The following PPM1A variants were observed in gnomAD, a reference collection of about 807,000 sequenced individuals.
PPM1A encodes protein phosphatase, Mg2+/Mn2+ dependent 1A.
In PPM1A, 7 loss-of-function variants were observed where a neutral mutation model predicts 35.0. The ratio of observed to expected loss-of-function variants is 0.20; its 90% confidence interval spans 0.11 to 0.38. The LOEUF is 0.38. Among genes scored for constraint, PPM1A ranks in the 10% least tolerant of loss-of-function variants. The pLI, the probability that PPM1A is intolerant of heterozygous loss-of-function variation, is 1.00. For missense variants in PPM1A, 239 were observed against 467.8 expected (o/e 0.51, Z 4.51); for synonymous variants, 153 against 167.3 (o/e 0.91, Z 0.66).
chr14:60,283,447 A>C lies in PPM1A; in HGVS notation c.744A>C (p.Glu248Asp). ...CDGIWDVMGN[E>D]ELCDFVRSRL... Reference sequence around the variant, plus strand: ...GTATCTGGGATGTTATGGGAAATGAAGAGCTCTGTGATTTTGTAAGATCCA... The same window carrying C: ...GTATCTGGGATGTTATGGGAAATGACGAGCTCTGTGATTTTGTAAGATCCA... The change falls in exon 2 of 6, where the codon GAA (glutamate) becomes GAC (aspartate). Residue 248 changes from glutamate to aspartate, a missense_variant. Transcript: ENST00000395076. This position sits in a 1 kb window ranked among gnomAD's most constrained non-coding sequence, Gnocchi z 6.3. The C allele has an allele frequency of 6.2e-7, 1 of 1,614,158 alleles. No individual in the cohort carries two copies. The highest frequency in any genetic ancestry group is 1.1e-5 in the South Asian group (1 of 91,086).
At position 60,249,655 on chromosome 14, in the gene PPM1A, C is replaced by G; in HGVS notation, c.-43C>G. 3.0e-6 allele frequency: 3 copies of G among 984,968 alleles called. No individual in the cohort carries two copies. In the African/African-American group the frequency reaches 5.3e-5, roughly 17 times the overall value. The allele number at this position is 984,968 out of a possible 1,614,324, so 61.0% of individuals were successfully genotyped here. On this transcript the variant is annotated 5_prime_UTR_variant, in exon 1 of 6. Coordinates refer to ENST00000395076, the MANE Select transcript of PPM1A (RefSeq NM_021003.5). The surrounding 1 kb of genome is among the most constrained non-coding windows in gnomAD (Gnocchi z 4.5). The stretch of plus-strand genomic sequence containing the variant: ...GCCGCCGCCTCGGCCGACCAGGGAC[C>G]TGCCCGCCTGCGGCTGCTCCGGGTA...
Position 60,249,942 on chromosome 14 carries a change from C to A in PPM1A, c.-21+265C>A, listed in dbSNP as rs1014329071. Among the ~76,000 whole-genome samples, 6 of 151,540 alleles carry A rather than the reference C, an allele frequency of 4.0e-5. No homozygotes were observed. Among genetic ancestry groups the A allele is most frequent in the African/African-American group, 1.5e-4 (6 of 41,314 alleles). On this transcript the variant is annotated intron_variant, in intron 1 of 5. Transcript: ENST00000395076. The surrounding 1 kb of genome is among the most constrained non-coding windows in gnomAD (Gnocchi z 4.5). ...TGGCGCGGGGAGGGGGCGCGACCCT[C>A]TGGCCGTCCGCGGCCGAGATGGGTG...
rs1245990161 is a variant in PPM1A, at chr14:60,294,913, A to C, written c.*2431A>C. On this transcript the variant is annotated 3_prime_UTR_variant, in exon 6 of 6. Transcript: ENST00000395076. Reference sequence around the variant, plus strand: ...ACAGGAAGGAAGTATACATTATAACAGCAGACTGTGTGTGTTCCTGATTCC... The same window carrying C: ...ACAGGAAGGAAGTATACATTATAACCGCAGACTGTGTGTGTTCCTGATTCC... 1 of 151,846 alleles carries C rather than the reference A, an allele frequency of 6.6e-6. No individual in the cohort carries two copies. Among genetic ancestry groups the C allele is most frequent in the Non-Finnish European group, 1.5e-5 (1 of 67,790 alleles). 9.4% of individuals were successfully genotyped at this position (151,846 alleles called of 1,614,324 possible).
chr14:60,292,668 T>G lies in PPM1A; in HGVS notation c.*186T>G. 2.5e-6 allele frequency: 1 copy of G among 408,160 alleles called. No individual in the cohort carries two copies. 25.3% of individuals were successfully genotyped at this position (408,160 alleles called of 1,614,324 possible). On this transcript the variant is annotated 3_prime_UTR_variant, in exon 6 of 6. Transcript: ENST00000395076. The surrounding 1 kb of genome is among the most constrained non-coding windows in gnomAD (Gnocchi z 4.2). ...GAACTGATTTTTTTTTTTTTTTTTGTAAATTTGAGACTTATGTAAGCGTGA... is the reference window on the plus strand; with the variant it reads ...GAACTGATTTTTTTTTTTTTTTTTGGAAATTTGAGACTTATGTAAGCGTGA...
At position 60,259,162 on chromosome 14, in the gene PPM1A, C is replaced by T. The variant is rs546598191; in HGVS notation, c.-21+9485C>T. Among the ~76,000 whole-genome samples, 30 of 152,204 alleles carry T rather than the reference C, an allele frequency of 2.0e-4. No homozygotes were observed. The South Asian group carries it at 6.0e-3, about 30-fold the overall frequency. On this transcript the variant is annotated intron_variant, in intron 1 of 5. Transcript: ENST00000395076. ...CACAAAAAAATTGCATGTCACAATT[C>T]ATGAACTCAGTGAGTGACTCTATTT...
chr14:60,267,582 G>T (rs1884544326), intron 1 of PPM1A, among the ~76,000 whole-genome samples: 2 of 151,980 alleles, frequency 1.3e-5, no homozygotes, highest in Admixed American at 1.3e-4. Context: ...AAAAGAATTG[G>T]AAATTTTTTT....
intron 1 of PPM1A, among the ~76,000 whole-genome samples, chr14:60,280,065 G>A (rs1356601047): frequency 6.6e-6 from 1 of 152,048 alleles, no homozygotes; most frequent in Admixed American, 6.5e-5. Context: ...GCAGTGATGT[G>A]ATCTCAGCTT....
intron 3 of PPM1A, chr14:60,286,211 A>G: frequency 1.6e-5 from 16 of 986,034 alleles, no homozygotes; most frequent in Non-Finnish European, 1.9e-5. Context: ...AACTTTATAT[A>G]CACAGCTTTA....
intron 1 of PPM1A, among the ~76,000 whole-genome samples, chr14:60,254,068 A>G (rs1402267922): frequency 6.6e-6 from 1 of 152,228 alleles, no homozygotes; most frequent in African/African-American, 2.4e-5. Context: ...CCATGAAGAA[A>G]GTGCCAAATA....
Position 60,289,789 on chromosome 14 carries a change from G to A in PPM1A, c.953-17G>A, listed in dbSNP as rs534936724. The A allele has an allele frequency of 1.3e-6, 2 of 1,549,090 alleles. No homozygotes were observed. The highest frequency in any genetic ancestry group is 1.4e-5 in the African/African-American group (1 of 72,910). On this transcript the variant is annotated splice_polypyrimidine_tract_variant and intron_variant, in intron 3 of 5. Coordinates refer to ENST00000395076, the MANE Select transcript of PPM1A (RefSeq NM_021003.5). This position sits in a 1 kb window ranked among gnomAD's most constrained non-coding sequence, Gnocchi z 4.1. ...AATTTGGATAACACTTACAAAAAAA[G>A]TACTTCTGATTCCCAGAAATCATAA...
chr14:60,292,369 CT>C lies in PPM1A; in HGVS notation c.1120-81del, dbSNP rs1268368043. The stretch of plus-strand genomic sequence containing the variant: ...AAAAGTCATCTTTACAGAACATTAT[CT>C]TTCTCCATTATCCAGAAAGTATGGT... On this transcript the variant is annotated intron_variant, in intron 5 of 5. Coordinates refer to ENST00000395076, the MANE Select transcript of PPM1A (RefSeq NM_021003.5). This position sits in a 1 kb window ranked among gnomAD's most constrained non-coding sequence, Gnocchi z 4.2. The C allele has an allele frequency of 9.8e-7, 1 of 1,021,156 alleles. No homozygotes were observed. Among genetic ancestry groups the C allele is most frequent in the Admixed American group, 1.9e-5 (1 of 53,742 alleles). 63.3% of individuals were successfully genotyped at this position (1,021,156 alleles called of 1,614,324 possible).
chr14:60,269,430 T>C (rs868454048), intron 1 of PPM1A, among the ~76,000 whole-genome samples: 1 of 152,242 alleles, frequency 6.6e-6, no homozygotes, highest in South Asian at 2.1e-4. Context: ...GTAGTATTCT[T>C]GGAATAAAAC....
chr14:60,263,281 C>G (rs1883981094), intron 1 of PPM1A, among the ~76,000 whole-genome samples: 1 of 152,136 alleles, frequency 6.6e-6, no homozygotes, highest in Admixed American at 6.5e-5. Context: ...TTAGAGCCTA[C>G]TTCTATGGAC....
chr14:60,251,328 A>T (rs967503717), intron 1 of PPM1A, among the ~76,000 whole-genome samples: 4 of 152,250 alleles, frequency 2.6e-5, no homozygotes, highest in African/African-American at 9.6e-5. Context: ...AACTACCTCA[A>T]TTATATTTGA....
At chr14:60,245,923 A>G (rs372318159), upstream of PPM1A, 3 of 1,584,402 alleles carry the variant, frequency 1.9e-6, no homozygotes, top group African/African-American at 2.7e-5. The surrounding 1 kb of genome is among the most constrained non-coding windows in gnomAD (Gnocchi z 4.2). Context: ...GAAAAGAAGA[A>G]TGGGGAAGAG....
intron 1 of PPM1A, among the ~76,000 whole-genome samples, chr14:60,277,535 T>C (rs1298125189): frequency 2.0e-5 from 3 of 152,066 alleles, no homozygotes; most frequent in East Asian, 1.9e-4. Context: ...TATAATAATA[T>C]ACTGTATATA....
rs1044515231 is a variant in PPM1A, at chr14:60,292,226, G to A, written c.1120-227G>A. Among the ~76,000 whole-genome samples the A allele has an allele frequency of 6.6e-6, 1 of 151,966 alleles. No homozygotes were observed. Among genetic ancestry groups the A allele is most frequent in the Admixed American group, 6.6e-5 (1 of 15,224 alleles). On this transcript the variant is annotated intron_variant, in intron 5 of 5. Transcript: ENST00000395076. This position sits in a 1 kb window ranked among gnomAD's most constrained non-coding sequence, Gnocchi z 4.2. ...ATTTGGACAGCCTCATCATAAAACC[G>A]CATTTCAAATATTTTCCAAAACAAA... is the stretch of plus-strand genomic sequence containing the variant.
intron 1 of PPM1A, chr14:60,268,503 T>C: frequency 1.6e-6 from 1 of 628,674 alleles, no homozygotes. Flanking sequence ...GTGGCTTACC[T>C]ATTTTATTTT....
chr14:60,297,769 T>G lies in PPM1A; in HGVS notation c.*5287T>G, dbSNP rs1218691982. ...CACAAAATCATTTTAGCAATGCTTC[T>G]TAACCTTTTGGGGTCACAGGCGTTT... On this transcript the variant is annotated 3_prime_UTR_variant, in exon 6 of 6. Coordinates refer to ENST00000395076, the MANE Select transcript of PPM1A (RefSeq NM_021003.5). 1 of 151,692 alleles carries G rather than the reference T, an allele frequency of 6.6e-6. No homozygotes were observed. The highest frequency in any genetic ancestry group is 1.5e-5 in the Non-Finnish European group (1 of 67,672). 9.4% of individuals were successfully genotyped at this position (151,692 alleles called of 1,614,324 possible). A position where few individuals can be genotyped will look rare whatever the true frequency, so the allele number is the denominator to read the frequency against.
Sources: allele counts gnomAD v4.1 joint callset (sites outside exome capture counted in the v4.1 genomes callset), GRCh38; gene constraint gnomAD v4.1.1; non-coding constraint Gnocchi (gnomAD v3.1); transcripts MANE v1.5; gene names NCBI Gene and HGNC (gene_info 2026-07-23, HGNC 2026-07-21).